The following PCDHA6 variants were observed in gnomAD, a reference collection of about 807,000 sequenced individuals.
The protein encoded by PCDHA6 is protocadherin alpha-6.
A neutral mutation model predicts 60.3 loss-of-function variants in PCDHA6; 55 were observed. That is an observed-to-expected ratio of 0.91 (90% CI 0.73 to 1.14). The LOEUF (loss-of-function observed/expected upper bound fraction) is 1.14. PCDHA6 is among the 50% of genes most tolerant of loss of function. The probability of loss-of-function intolerance (pLI) is 0.00; values close to 1 mark genes in which losing one functional copy is unlikely to be tolerated. For missense variants in PCDHA6, 1,327 were observed against 1,256.5 expected, an observed-to-expected ratio of 1.06 and a Z score of -0.85; for synonymous variants, 652 against 557.9, an observed-to-expected ratio of 1.17 and a Z score of -2.38.
chr5:140,856,367 G>C, intron 1 of PCDHA6: 1 of 1,598,612 alleles, frequency 6.3e-7, no homozygotes, highest in Non-Finnish European at 8.6e-7. Context: ...CCACCTGGAG[G>C]TGATCGTGGA....
chr5:140,908,756 C>A (rs2074138062), intron 1 of PCDHA6, among the ~76,000 whole-genome samples: 1 of 152,106 alleles, frequency 6.6e-6, no homozygotes, highest in Non-Finnish European at 1.5e-5. Flanking sequence ...TTGCACACAG[C>A]CTGGACGTGT....
intron 1 of PCDHA6, chr5:140,842,932 G>A: frequency 1.3e-6 from 2 of 1,594,566 alleles, no homozygotes; most frequent in East Asian, 2.2e-5. Flanking sequence ...AGGTGAGCGC[G>A]CGCGACGCGG....
At chr5:140,882,936 C>T (rs782513929) in intron 1 of PCDHA6, 5 of 1,614,082 alleles carry the variant, frequency 3.1e-6, no homozygotes, top group Non-Finnish European at 4.2e-6. Flanking sequence ...CCCGAGCTGA[C>T]TGGCACAGTT....
chr5:140,828,314 C>T lies in PCDHA6; in HGVS notation c.223C>T (p.Leu75=). The T allele has an allele frequency of 6.2e-7, 1 of 1,614,208 alleles. No individual in the cohort carries two copies. Among genetic ancestry groups the T allele is most frequent in the South Asian group, 1.1e-5 (1 of 91,086 alleles). The change falls in exon 1 of 4, where the codon CTG becomes TTG. Residue 75 remains leucine, a synonymous_variant. Coordinates refer to ENST00000529310, the MANE Select transcript of PCDHA6 (RefSeq NM_018909.4). ...GGCCTCCAAAGACCGCGAGGACCTT[C>T]TGGAGGTAAATCTGCAGAATGGCAT... ...RMASKDREDL[L]EVNLQNGILF...
intron 1 of PCDHA6, chr5:140,863,701 A>G (rs782228120): frequency 3.1e-5 from 9 of 294,760 alleles, no homozygotes; most frequent in Non-Finnish European, 6.0e-5. Context: ...TGCTTTATTT[A>G]AAGTACACTG....
intron 1 of PCDHA6, among the ~76,000 whole-genome samples, chr5:140,892,670 A>G (rs35160890): frequency 0.3 from 45,256 of 152,112 alleles, 7,290 homozygotes; most frequent in East Asian, 0.53. Context: ...ATTTTGATAC[A>G]TATATACAAT....
intron 1 of PCDHA6, chr5:140,968,517 C>T: frequency 6.2e-7 from 1 of 1,614,206 alleles, no homozygotes; most frequent in Non-Finnish European, 8.5e-7. Flanking sequence ...TACCCTACCT[C>T]AACCAACTCG....
At chr5:140,913,384 C>T (rs1018271300) in intron 1 of PCDHA6, among the ~76,000 whole-genome samples, 1 of 152,144 alleles carries the variant, frequency 6.6e-6, no homozygotes, top group Non-Finnish European at 1.5e-5. Flanking sequence ...AGTGGCTCAT[C>T]ATAGCCACTA....
chr5:140,835,973 G>A lies in PCDHA6; in HGVS notation c.2394+5488G>A, dbSNP rs2150249299. On this transcript the variant is annotated intron_variant, in intron 1 of 3. Coordinates refer to ENST00000529310, the MANE Select transcript of PCDHA6 (RefSeq NM_018909.4). ...CGTTGGACCACGAGGAGCTGGAGCT[G>A]TTGCAGTTCCAGGTGAGCGCGCGCG... 16 of 1,613,272 alleles carry A rather than the reference G, an allele frequency of 9.9e-6. No homozygotes were observed. The African/African-American group carries it at 2.0e-4, about 20-fold the overall frequency.
Position 140,956,847 on chromosome 5 carries a change from T to G in PCDHA6, c.2395-22102T>G, listed in dbSNP as rs138847680. Among the ~76,000 whole-genome samples the G allele has an allele frequency of 1.6e-4, 24 of 152,262 alleles. 1 individual carries two copies. The East Asian group carries it at 4.6e-3, about 29-fold the overall frequency. ...AATTTAATATTTTTAAATCTTGGGT[T>G]AAATGGTTGAATGAATGTGTGAAAA... On this transcript the variant is annotated intron_variant, in intron 1 of 3. Transcript: ENST00000529310.
At chr5:140,946,875 G>C (rs1283632599) in intron 1 of PCDHA6, among the ~76,000 whole-genome samples, 2 of 151,288 alleles carry the variant, frequency 1.3e-5, no homozygotes, top group Non-Finnish European at 3.0e-5. Context: ...TGGTCAATGG[G>C]TACGAAGTTA....
rs548886698 is a variant in PCDHA6 at position 140,887,948 on chromosome 5, T to A, written c.2394+57463T>A. 7.1e-4 allele frequency among the ~76,000 whole-genome samples: 108 copies of A among 152,348 alleles called. 2 individuals carry two copies. Among genetic ancestry groups the A allele is most frequent in the Admixed American group, 7.0e-3 (107 of 15,298 alleles). On this transcript the variant is annotated intron_variant, in intron 1 of 3. Transcript: ENST00000529310. ...AGACCATATTTATTTCTTATCTGTA[T>A]AAGATTCTTTTTGTCTCTTTTAAAA... is the stretch of plus-strand genomic sequence containing the variant.
intron 1 of PCDHA6, chr5:140,884,750 A>T (rs1032518651): frequency 8.1e-5 from 116 of 1,431,120 alleles, no homozygotes; most frequent in Non-Finnish European, 1.2e-5. Context: ...TGCCAATTTC[A>T]AATTATTCTT....
intron 1 of PCDHA6, among the ~76,000 whole-genome samples, chr5:140,952,338 CA>C (rs55931446): frequency 8.7e-4 from 117 of 135,030 alleles, no homozygotes; most frequent in South Asian, 1.2e-3. Flanking sequence ...AACTCCATCT[CA>C]AAAAAAAAAA....
Position 140,848,043 on chromosome 5 carries a change from A to C in PCDHA6, c.2394+17558A>C, listed in dbSNP as rs115415885. On this transcript the variant is annotated intron_variant, in intron 1 of 3. Transcript: ENST00000529310. Reference sequence around the variant, plus strand: ...AAATTCGTGATTGCTCAATGGAATCATTTTAATTGTTACTTCATTTCTGTC... The same window carrying C: ...AAATTCGTGATTGCTCAATGGAATCCTTTTAATTGTTACTTCATTTCTGTC... 2.3e-3 allele frequency: 368 copies of C among 160,610 alleles called. 14 individuals carry two copies. Among genetic ancestry groups the C allele is most frequent in the African/African-American group, 8.0e-3 (330 of 41,090 alleles). 9.9% of individuals were successfully genotyped at this position (160,610 alleles called of 1,614,324 possible). A position where few individuals can be genotyped will look rare whatever the true frequency, so the allele number is the denominator to read the frequency against.
intron 1 of PCDHA6, chr5:140,830,858 A>G (rs1554133040): frequency 6.5e-6 from 1 of 153,326 alleles, no homozygotes; most frequent in African/African-American, 2.4e-5. Context: ...CTCTTTTTTG[A>G]TCATATATTG....
Position 140,974,863 on chromosome 5 carries a change from G to A in PCDHA6, c.2395-4086G>A, listed in dbSNP as rs559374442. On this transcript the variant is annotated intron_variant, in intron 1 of 3. Coordinates refer to ENST00000529310, the MANE Select transcript of PCDHA6 (RefSeq NM_018909.4). ...ATGTTATATTCCCTTTTGCCTTAAT[G>A]CGGAACAGTCTATGTATCCCTTTTC... Among the ~76,000 whole-genome samples, 14 of 152,198 alleles carry A rather than the reference G, an allele frequency of 9.2e-5. No homozygotes were observed. The South Asian group carries it at 2.9e-3, about 32-fold the overall frequency.
Position 140,849,622 on chromosome 5 carries a change from A to G in PCDHA6, c.2394+19137A>G. The G allele has an allele frequency of 1.9e-6, 3 of 1,598,702 alleles. 1 individual carries two copies. The highest frequency in any genetic ancestry group is 2.6e-6 in the Non-Finnish European group (3 of 1,167,960). On this transcript the variant is annotated intron_variant, in intron 1 of 3. Coordinates refer to ENST00000529310, the MANE Select transcript of PCDHA6 (RefSeq NM_018909.4). Reference sequence around the variant, plus strand: ...GTTATTGCCCTGATTAGTGTGATCGACCTAGACGCAGATGCCAACGGGCAG... The same window carrying G: ...GTTATTGCCCTGATTAGTGTGATCGGCCTAGACGCAGATGCCAACGGGCAG...
intron 1 of PCDHA6, among the ~76,000 whole-genome samples, chr5:140,924,127 A>G (rs2081688492): frequency 6.6e-6 from 1 of 152,252 alleles, no homozygotes; most frequent in African/African-American, 2.4e-5. Flanking sequence ...CTTGCTTAGC[A>G]GCATTAATTT....
Sources: gnomAD v4.1 joint callset for allele counts (sites outside exome capture counted in the v4.1 genomes callset) on GRCh38, gnomAD v4.1.1 for gene constraint, MANE v1.5 for transcripts, NCBI Gene and HGNC (gene_info 2026-07-23, HGNC 2026-07-21) for gene names.